Variants in ZNF354C observed in about 807,000 individuals in gnomAD.
The protein encoded by ZNF354C is zinc finger protein 354C, also known as KRAB-zinc finger protein synten.
A neutral mutation model predicts 12.4 loss-of-function variants in ZNF354C; 7 were observed. That is an observed-to-expected ratio of 0.56 (90% CI 0.32 to 1.06). ZNF354C has a LOEUF of 1.06. Among genes scored for constraint, ZNF354C ranks in the 50% least tolerant of loss-of-function variants. ZNF354C has a pLI of 0.04. For missense variants in ZNF354C, 609 were observed against 658.0 expected (o/e 0.93, Z 0.81); for synonymous variants, 202 against 224.5 (o/e 0.90, Z 0.90).
At chr5:179,069,685 G>A (rs1050459933) in intron 2 of ZNF354C, among the ~76,000 whole-genome samples, 2 of 151,376 alleles carry the variant, frequency 1.3e-5, no homozygotes, top group Admixed American at 6.6e-5. Flanking sequence ...CTAACATGGC[G>A]AAACCCCGTC....
In ZNF354C at chr5:179,083,686, C is replaced by CTT. The variant is rs1762258344; in HGVS notation, c.*3591_*3592dup. On this transcript the variant is annotated 3_prime_UTR_variant, in exon 5 of 5. Transcript: ENST00000315475. Reference sequence around the variant, plus strand: ...CTTTAAATGGAATGAGCATGTTCCACTTTATCTCTCATGCTAAATGTAACT... The same window carrying CTT: ...CTTTAAATGGAATGAGCATGTTCCACTTTTTATCTCTCATGCTAAATGTAACT... 1 of 152,198 alleles carries CTT rather than the reference C, an allele frequency of 6.6e-6. No homozygotes were observed. The highest frequency in any genetic ancestry group is 2.4e-5 in the African/African-American group (1 of 41,444). The allele number at this position is 152,198 out of a possible 1,614,324, so 9.4% of individuals were successfully genotyped here. A position where few individuals can be genotyped will look rare whatever the true frequency, so the allele number is the denominator to read the frequency against.
Position 179,082,451 on chromosome 5 carries a change from A to G in ZNF354C, c.*2354A>G, listed in dbSNP as rs1174402481. On this transcript the variant is annotated 3_prime_UTR_variant, in exon 5 of 5. Coordinates refer to ENST00000315475, the MANE Select transcript of ZNF354C (RefSeq NM_014594.3). ...ATAAATAGACAAGTCCAGAGTTGGT[A>G]TAGGACAACTGGACTTTTTTTTATA... The G allele has an allele frequency of 3.9e-6, 2 of 510,994 alleles. No homozygotes were observed. The highest frequency in any genetic ancestry group is 1.9e-5 in the African/African-American group (1 of 51,968). The allele number at this position is 510,994 out of a possible 1,614,324, so 31.7% of individuals were successfully genotyped here. A position where few individuals can be genotyped will look rare whatever the true frequency, so the allele number is the denominator to read the frequency against.
chr5:179,066,878 T>C (rs1262256782), intron 2 of ZNF354C, among the ~76,000 whole-genome samples: 1 of 152,172 alleles, frequency 6.6e-6, no homozygotes, highest in African/African-American at 2.4e-5. Flanking sequence ...GATTTGAGGT[T>C]TGAGATGTGC....
In ZNF354C at chr5:179,082,556, C is replaced by T. The variant is rs568486256; in HGVS notation, c.*2459C>T. 11 of 798,452 alleles carry T rather than the reference C, an allele frequency of 1.4e-5. No individual in the cohort carries two copies. The East Asian group carries it at 2.5e-4, about 18-fold the overall frequency. 49.5% of individuals were successfully genotyped at this position (798,452 alleles called of 1,614,324 possible). A position where few individuals can be genotyped will look rare whatever the true frequency, so the allele number is the denominator to read the frequency against. The stretch of plus-strand genomic sequence containing the variant: ...AGCTGTTAAAACTGGTGTAATAGCT[C>T]AAAAGAACTAAGTATTCCAGATTTC... On this transcript the variant is annotated 3_prime_UTR_variant, in exon 5 of 5. Coordinates refer to ENST00000315475, the MANE Select transcript of ZNF354C (RefSeq NM_014594.3).
chr5:179,082,357 G>A lies in ZNF354C; in HGVS notation c.*2260G>A. On this transcript the variant is annotated 3_prime_UTR_variant, in exon 5 of 5. Coordinates refer to ENST00000315475, the MANE Select transcript of ZNF354C (RefSeq NM_014594.3). ...TACCTCAAATTTAATTAAATCTTTTGTCTAGACTTATCTTCCTGTTTAAAG... is the reference window on the plus strand; with the variant it reads ...TACCTCAAATTTAATTAAATCTTTTATCTAGACTTATCTTCCTGTTTAAAG... The A allele has an allele frequency of 4.1e-6, 1 of 241,980 alleles. No homozygotes were observed. The highest frequency in any genetic ancestry group is 7.8e-6 in the Non-Finnish European group (1 of 127,910). 15.0% of individuals were successfully genotyped at this position (241,980 alleles called of 1,614,324 possible). A position where few individuals can be genotyped will look rare whatever the true frequency, so the allele number is the denominator to read the frequency against.
At position 179,083,230 on chromosome 5, in the gene ZNF354C, G is replaced by C. The variant is rs1271163365; in HGVS notation, c.*3133G>C. ...TAAAAAAACCTATAAGAGACATTTG[G>C]GGGGATATTTGGGGAAATAGGAAGA... On this transcript the variant is annotated 3_prime_UTR_variant, in exon 5 of 5. Transcript: ENST00000315475. 3.7e-6 allele frequency: 1 copy of C among 269,190 alleles called. No homozygotes were observed. The highest frequency in any genetic ancestry group is 2.2e-5 in the African/African-American group (1 of 44,872). The allele number at this position is 269,190 out of a possible 1,614,324, so 16.7% of individuals were successfully genotyped here. A position where few individuals can be genotyped will look rare whatever the true frequency, so the allele number is the denominator to read the frequency against.
rs535825356 is a variant in ZNF354C, at chr5:179,082,939, G to A, written c.*2842G>A. 2 of 890,016 alleles carry A rather than the reference G, an allele frequency of 2.2e-6. No individual in the cohort carries two copies. The highest frequency in any genetic ancestry group is 1.6e-5 in the African/African-American group (1 of 60,972). 55.1% of individuals were successfully genotyped at this position (890,016 alleles called of 1,614,324 possible). A position where few individuals can be genotyped will look rare whatever the true frequency, so the allele number is the denominator to read the frequency against. ...AACTCCACCTCATCTCCTGCCTGGA[G>A]CTCAAGGCCATCCTCAACTTCTTTC... is the stretch of plus-strand genomic sequence containing the variant. On this transcript the variant is annotated 3_prime_UTR_variant, in exon 5 of 5. Transcript: ENST00000315475.
Position 179,062,032 on chromosome 5 carries a change from T to A in ZNF354C, c.-37T>A. 1.2e-5 allele frequency: 20 copies of A among 1,613,780 alleles called. No homozygotes were observed. Among genetic ancestry groups the A allele is most frequent in the Non-Finnish European group, 1.6e-5 (19 of 1,179,698 alleles). On this transcript the variant is annotated 5_prime_UTR_variant, in exon 2 of 5. Coordinates refer to ENST00000315475, the MANE Select transcript of ZNF354C (RefSeq NM_014594.3). The stretch of plus-strand genomic sequence containing the variant: ...CTCTGCAGACCCACCGTGTCCACAC[T>A]CTGCTCTCCCTGGGCAGGAAGACTG...
At chr5:179,076,961 C>A (rs1762131787) in intron 3 of ZNF354C, 110 bp from the exon 4 acceptor site, 1 of 922,508 alleles carries the variant, frequency 1.1e-6, no homozygotes, top group African/African-American at 1.6e-5. Flanking sequence ...CCTTGTCTGC[C>A]TCTCAGGGCT....
chr5:179,078,166 G>A (rs4701031), intron 4 of ZNF354C, among the ~76,000 whole-genome samples: 109,128 of 151,994 alleles, frequency 0.72, 39,345 homozygotes, highest in East Asian at 0.89. Context: ...GTCACATGAA[G>A]TAAAGAAATT....
chr5:179,070,778 A>G (rs1271420172), intron 2 of ZNF354C, among the ~76,000 whole-genome samples: 1 of 146,038 alleles, frequency 6.8e-6, no homozygotes, highest in Non-Finnish European at 1.5e-5. Flanking sequence ...TTTTGAGTGG[A>G]GTTGTCTTTC....
chr5:179,079,307 G>C lies in ZNF354C; in HGVS notation c.875G>C (p.Arg292Thr). The part of the protein sequence containing the change: ...SNSSTLIKHL[R>T]VHTGEKPYRC... ...AGTTCAACCCTTATCAAACATCTGAGAGTGCATACTGGAGAGAAACCGTAT... is the reference window on the plus strand; with the variant it reads ...AGTTCAACCCTTATCAAACATCTGACAGTGCATACTGGAGAGAAACCGTAT... The change falls in exon 5 of 5, where the codon AGA (arginine) becomes ACA (threonine). Residue 292 changes from arginine to threonine, a missense_variant. Transcript: ENST00000315475. This position sits in a 1 kb window ranked among gnomAD's most constrained non-coding sequence, Gnocchi z 4.2. 1 of 1,614,184 alleles carries C rather than the reference G, an allele frequency of 6.2e-7. No homozygotes were observed. The highest frequency in any genetic ancestry group is 1.1e-5 in the South Asian group (1 of 91,082).
intron 2 of ZNF354C, among the ~76,000 whole-genome samples, chr5:179,076,219 T>C (rs17666172): frequency 0.24 from 35,795 of 152,184 alleles, 5,207 homozygotes; most frequent in South Asian, 0.38. Flanking sequence ...CTTTGCCTGT[T>C]TTCCCCTACT....
chr5:179,069,795 G>A (rs903155467), intron 2 of ZNF354C, among the ~76,000 whole-genome samples: 54 of 151,662 alleles, frequency 3.6e-4, no homozygotes, highest in South Asian at 4.1e-4. Context: ...GAACCCGGGA[G>A]GCGGAGCTTG....
Position 179,062,038 on chromosome 5 carries a change from C to T in ZNF354C, c.-31C>T. 3 of 1,613,998 alleles carry T rather than the reference C, an allele frequency of 1.9e-6. 1 individual carries two copies. The highest frequency in any genetic ancestry group is 2.7e-5 in the African/African-American group (2 of 75,030). ...AGACCCACCGTGTCCACACTCTGCT[C>T]TCCCTGGGCAGGAAGACTGAGGAGG... On this transcript the variant is annotated 5_prime_UTR_variant, in exon 2 of 5. Transcript: ENST00000315475.
At chr5:179,076,793 G>A (rs1320423201) in intron 3 of ZNF354C, among the ~76,000 whole-genome samples, 1 of 152,034 alleles carries the variant, frequency 6.6e-6, no homozygotes, top group Non-Finnish European at 1.5e-5. Flanking sequence ...TCCCTCCTTG[G>A]AGTAGGCCAA....
At chr5:179,074,105 C>G (rs1251244447) in intron 2 of ZNF354C, among the ~76,000 whole-genome samples, 1 of 152,000 alleles carries the variant, frequency 6.6e-6, no homozygotes, top group Non-Finnish European at 1.5e-5. Context: ...GCCTCAGCCT[C>G]CCGAGTAGCT....
chr5:179,083,096 C>G lies in ZNF354C; in HGVS notation c.*2999C>G. 2 of 630,464 alleles carry G rather than the reference C, an allele frequency of 3.2e-6. No individual in the cohort carries two copies. The highest frequency in any genetic ancestry group is 2.6e-5 in the South Asian group (1 of 38,010). 39.1% of individuals were successfully genotyped at this position (630,464 alleles called of 1,614,324 possible). On this transcript the variant is annotated 3_prime_UTR_variant, in exon 5 of 5. Transcript: ENST00000315475. ...ATAGTTTGTGCATTTTGGCCCTGGT[C>G]TGGACTTTTCAAAAAGCAAATGTAG...
At chr5:179,069,389 A>G (rs1019275135) in intron 2 of ZNF354C, among the ~76,000 whole-genome samples, 5 of 152,088 alleles carry the variant, frequency 3.3e-5, no homozygotes, top group Admixed American at 2.0e-4. Context: ...TGCCAGGCAG[A>G]ATATGTTTAC....
Sources: gnomAD v4.1 joint callset for allele counts (sites outside exome capture counted in the v4.1 genomes callset) on GRCh38, gnomAD v4.1.1 for gene constraint, Gnocchi (gnomAD v3.1) non-coding constraint, MANE v1.5 for transcripts, NCBI Gene and HGNC (gene_info 2026-07-23, HGNC 2026-07-21) for gene names.